RBFOX1: variants seen among roughly 807,000 people sequenced by gnomAD.
RBFOX1 encodes the protein RNA binding fox-1 homolog 1, also known as RNA binding protein fox-1 homolog 1.
A neutral mutation model predicts 57.7 loss-of-function variants in RBFOX1; 8 were observed. That is an observed-to-expected ratio of 0.14 (90% CI 0.08 to 0.25). The LOEUF is 0.25. RBFOX1 is among the 10% of genes least tolerant of loss of function. The pLI, the probability that RBFOX1 is intolerant of heterozygous loss-of-function variation, is 1.00. For missense variants in RBFOX1, 611 were observed against 548.5 expected (o/e 1.11, Z -1.14); for synonymous variants, 326 against 222.4 (o/e 1.47, Z -4.15).
intron 1 of RBFOX1, among the ~76,000 whole-genome samples, chr16:6,312,398 G>A (rs114214836): frequency 0.038 from 5,782 of 152,026 alleles, 144 homozygotes; most frequent in African/African-American, 0.059. Context: ...TTCTGCACAC[G>A]TGGCAGAGAA....
At chr16:6,534,350 A>G (rs895429646) in intron 2 of RBFOX1, among the ~76,000 whole-genome samples, 8 of 152,146 alleles carry the variant, frequency 5.3e-5, no homozygotes, top group Admixed American at 4.6e-4. Context: ...TTATGGTTCT[A>G]GTTTTATGAA....
intron 4 of RBFOX1, among the ~76,000 whole-genome samples, chr16:7,337,522 A>T (rs2096813243): frequency 6.6e-6 from 1 of 152,180 alleles, no homozygotes; most frequent in Admixed American, 6.5e-5. Context: ...CGATGTTTAA[A>T]CATAGATCTC....
intron 1 of RBFOX1, among the ~76,000 whole-genome samples, chr16:6,265,775 C>A (rs565133846): frequency 6.6e-6 from 1 of 152,144 alleles, no homozygotes; most frequent in Non-Finnish European, 1.5e-5. Context: ...CCTTTTTGAA[C>A]CAACTACTCT....
chr16:5,802,841 C>T (rs897157881), intron 3 of RBFOX1, among the ~76,000 whole-genome samples: 2 of 152,186 alleles, frequency 1.3e-5, no homozygotes, highest in East Asian at 1.9e-4. Context: ...ATCTCGCCCC[C>T]ATCTGTCCAC....
chr16:7,515,153 T>A (rs529443123), intron 4 of RBFOX1, among the ~76,000 whole-genome samples: 2 of 152,162 alleles, frequency 1.3e-5, no homozygotes, highest in South Asian at 4.1e-4. Flanking sequence ...GGGCTTTTCA[T>A]CACCCATAGA....
chr16:5,368,242 C>G (rs1413028994), intron 1 of RBFOX1, among the ~76,000 whole-genome samples: 1 of 152,212 alleles, frequency 6.6e-6, no homozygotes, highest in Non-Finnish European at 1.5e-5. Flanking sequence ...GAGGCTTGAA[C>G]AGATTTCTTA....
At chr16:7,059,266 A>C (rs1445968438) in intron 4 of RBFOX1, among the ~76,000 whole-genome samples, 2 of 152,206 alleles carry the variant, frequency 1.3e-5, no homozygotes, top group African/African-American at 4.8e-5. Context: ...ATAGCACGGA[A>C]GAAAATGTAA....
chr16:6,563,334 G>A (rs1283099651), intron 2 of RBFOX1, among the ~76,000 whole-genome samples: 2 of 152,116 alleles, frequency 1.3e-5, no homozygotes, highest in African/African-American at 4.8e-5. Context: ...ACTATTCTAA[G>A]CATTTCACAT....
intron 4 of RBFOX1, among the ~76,000 whole-genome samples, chr16:7,101,011 G>T (rs1161840018): frequency 1.3e-5 from 2 of 152,114 alleles, no homozygotes; most frequent in Non-Finnish European, 2.9e-5. Flanking sequence ...GTGAAAAAAT[G>T]TTGCATACAA....
intron 1 of RBFOX1, among the ~76,000 whole-genome samples, chr16:5,263,542 G>A (rs2062787343): frequency 6.6e-6 from 1 of 152,194 alleles, no homozygotes; most frequent in Non-Finnish European, 1.5e-5. Context: ...CAAAATATGA[G>A]TGAAATGAGG....
At chr16:5,620,598 CTT>C (rs1209185084) in intron 3 of RBFOX1, among the ~76,000 whole-genome samples, 2 of 152,178 alleles carry the variant, frequency 1.3e-5, no homozygotes, top group East Asian at 3.9e-4. Context: ...ACGGCTTTCT[CTT>C]TGTGTCAGTA....
At chr16:6,680,366 C>T (rs2058464103) in intron 3 of RBFOX1, among the ~76,000 whole-genome samples, 1 of 147,292 alleles carries the variant, frequency 6.8e-6, no homozygotes, top group Non-Finnish European at 1.5e-5. Flanking sequence ...GGGTTCACGC[C>T]ATTCTCCTGC....
At chr16:7,695,453 G>C (rs2078492988) in intron 14 of RBFOX1, among the ~76,000 whole-genome samples, 1 of 152,024 alleles carries the variant, frequency 6.6e-6, no homozygotes, top group South Asian at 2.1e-4. Flanking sequence ...AGGAGTCTAA[G>C]ACCAGCCTGG....
intron 3 of RBFOX1, among the ~76,000 whole-genome samples, chr16:6,809,734 G>A (rs144997950): frequency 5.3e-5 from 8 of 152,116 alleles, no homozygotes; most frequent in Admixed American, 1.3e-4. Context: ...CTTTCTCAGC[G>A]ACAGAGTTAT....
chr16:7,586,047 T>G lies in RBFOX1; in HGVS notation c.415-1200T>G, dbSNP rs145651273. Among the ~76,000 whole-genome samples, 303 of 152,154 alleles carry G rather than the reference T, an allele frequency of 2.0e-3. 2 individuals carry two copies. Among genetic ancestry groups the G allele is most frequent in the Middle Eastern group, 0.01 (3 of 294 alleles). ...GCAATTAAAATCCAGAATGCAGAAG[T>G]GAATGGAATGATAGGAAAGCTCAAA... On this transcript the variant is annotated intron_variant, in intron 6 of 15. Transcript: ENST00000550418.
intron 1 of RBFOX1, among the ~76,000 whole-genome samples, chr16:5,423,931 C>T (rs1597000276): frequency 6.6e-6 from 1 of 152,226 alleles, no homozygotes; most frequent in East Asian, 1.9e-4. Context: ...TCTCTGACAA[C>T]CTTGTGAGGT....
intron 2 of RBFOX1, among the ~76,000 whole-genome samples, chr16:6,377,273 C>CA (rs57044618): frequency 0.14 from 12,639 of 88,144 alleles, 2,242 homozygotes; most frequent in African/African-American, 0.44. Context: ...GACCCTGTCT[C>CA]AAAAAAAAAA....
intron 1 of RBFOX1, among the ~76,000 whole-genome samples, chr16:6,310,577 A>C (rs2080131866): frequency 6.6e-6 from 1 of 152,158 alleles, no homozygotes; most frequent in East Asian, 1.9e-4. Context: ...AAAAAACTGA[A>C]GCTCCAAGCG....
At chr16:6,806,808 A>C in intron 3 of RBFOX1, among the ~76,000 whole-genome samples, 1 of 82,956 alleles carries the variant, frequency 1.2e-5, no homozygotes, top group Non-Finnish European at 2.4e-5. Context: ...ATATATAAAT[A>C]AATATATAAA....
Sources: gnomAD v4.1 joint callset for allele counts (sites outside exome capture counted in the v4.1 genomes callset) on GRCh38, gnomAD v4.1.1 for gene constraint, MANE v1.5 for transcripts, NCBI Gene and HGNC (gene_info 2026-07-23, HGNC 2026-07-21) for gene names.